LONRF1: variants seen among roughly 807,000 people sequenced by gnomAD.
The protein encoded by LONRF1 is LON peptidase N-terminal domain and ring finger 1.
In LONRF1, 37 loss-of-function variants were observed where a neutral mutation model predicts 85.8. The ratio of observed to expected loss-of-function variants is 0.43; its 90% confidence interval spans 0.33 to 0.57. The LOEUF (loss-of-function observed/expected upper bound fraction) is 0.57. LONRF1 is among the 20% of genes least tolerant of loss of function. The probability of loss-of-function intolerance (pLI) is 0.04; values close to 1 mark genes in which losing one functional copy is unlikely to be tolerated. For synonymous variants in LONRF1, 517 were observed against 390.1 expected (o/e 1.33, Z -3.83); for missense variants, 1,036 against 978.0 (o/e 1.06, Z -0.79).
At chr8:12,740,773 T>G (rs893782546) in intron 3 of LONRF1, 101 bp downstream of exon 3, 44 of 1,392,448 alleles carry the variant, frequency 3.2e-5, no homozygotes, top group Admixed American at 1.3e-4. Context: ...TTAGATTTAT[T>G]TACTACTTAT....
chr8:12,738,480 C>T (rs1798806804), intron 3 of LONRF1, among the ~76,000 whole-genome samples: 1 of 152,102 alleles, frequency 6.6e-6, no homozygotes. Flanking sequence ...TCTTAGTGAG[C>T]CCTATGCTAT....
rs1799561511 is a variant in LONRF1 at position 12,754,723 on chromosome 8, G to A, written c.698C>T (p.Ala233Val). ...HQGRYREALA[A>V]ACEALRAEPS... ...ACCTGCTCGCAGCGCCTCGCAGGCG[G>A]CGGCCAGGGCCTCCCGGTAGCGCCC... The change falls in exon 1 of 12, where the codon GCC becomes GTC. Residue 233 changes from alanine to valine, a missense_variant. This residue lies in a region of LONRF1 where 742 missense variants were observed against 614.4 expected (regional missense o/e 1.21). Transcript: ENST00000398246. 2.1e-6 allele frequency: 3 copies of A among 1,398,442 alleles called. No homozygotes were observed. Among genetic ancestry groups the A allele is most frequent in the Non-Finnish European group, 1.8e-6 (2 of 1,085,910 alleles). 86.6% of individuals were successfully genotyped at this position (1,398,442 alleles called of 1,614,324 possible). A position where few individuals can be genotyped will look rare whatever the true frequency, so the allele number is the denominator to read the frequency against.
intron 1 of LONRF1, among the ~76,000 whole-genome samples, chr8:12,746,512 C>G (rs1172223585): frequency 6.6e-6 from 1 of 152,180 alleles, no homozygotes; most frequent in East Asian, 1.9e-4. Flanking sequence ...TTGGGTCTTC[C>G]TCCACAATTT....
At chr8:12,723,613 A>G (rs1456071747) in intron 11 of LONRF1, among the ~76,000 whole-genome samples, 1 of 152,228 alleles carries the variant, frequency 6.6e-6, no homozygotes, top group Non-Finnish European at 1.5e-5. Context: ...CCTATGCACT[A>G]GAGCACATTC....
chr8:12,738,698 T>C (rs139376099), intron 3 of LONRF1: 1 of 152,264 alleles, frequency 6.6e-6, no homozygotes, highest in African/African-American at 2.4e-5. Flanking sequence ...TTCCCTATAA[T>C]AGCGAGGAAA....
At chr8:12,742,579 C>G (rs1328455679) in intron 2 of LONRF1, among the ~76,000 whole-genome samples, 2 of 152,140 alleles carry the variant, frequency 1.3e-5, no homozygotes, top group Non-Finnish European at 2.9e-5. Context: ...CAGTTTGTAT[C>G]CATCTTCACA....
chr8:12,728,930 C>G lies in LONRF1; in HGVS notation c.1981G>C (p.Ala661Pro). The G allele has an allele frequency of 6.2e-7, 1 of 1,613,968 alleles. No individual in the cohort carries two copies. The highest frequency in any genetic ancestry group is 8.5e-7 in the Non-Finnish European group (1 of 1,179,862). ...KRGMKDGYCT[A>P]DIEYLEDVKV... The stretch of plus-strand genomic sequence containing the variant: ...ACATCTTCCAGATATTCAATGTCGG[C>G]AGTGCAATATCCATCTTTCATTCCT... The change falls in exon 10 of 12, where the codon GCC becomes CCC. Residue 661 changes from alanine to proline, a missense_variant. Ala to Pro is a conservative substitution (Grantham distance 27, BLOSUM62 -1). Around this residue, in one of 3 missense-constraint regions of LONRF1, gnomAD observed 265 missense variants for 301.5 expected, o/e 0.88. Transcript: ENST00000398246.
chr8:12,749,638 T>TA (rs1257853007), intron 1 of LONRF1, among the ~76,000 whole-genome samples: 8 of 152,274 alleles, frequency 5.3e-5, no homozygotes, highest in Non-Finnish European at 1.0e-4. Context: ...GAAAAACAGT[T>TA]AAAAAACAAA....
chr8:12,745,803 T>C (rs1180450577), intron 1 of LONRF1, among the ~76,000 whole-genome samples: 1 of 152,238 alleles, frequency 6.6e-6, no homozygotes, highest in Admixed American at 6.5e-5. Flanking sequence ...GTATTGAATA[T>C]GACTGTGGTA....
intron 10 of LONRF1, among the ~76,000 whole-genome samples, chr8:12,727,999 A>C (rs531736387): frequency 6.6e-6 from 1 of 152,336 alleles, no homozygotes; most frequent in South Asian, 2.1e-4. Flanking sequence ...TCTGAATTGT[A>C]CTTTCCTCAT....
intron 3 of LONRF1, among the ~76,000 whole-genome samples, chr8:12,738,475 G>A (rs1032098142): frequency 3.3e-5 from 5 of 152,160 alleles, no homozygotes; most frequent in African/African-American, 1.2e-4. Context: ...CTGAATCTTA[G>A]TGAGCCCTAT....
chr8:12,745,622 C>T (rs1293920436), intron 1 of LONRF1, among the ~76,000 whole-genome samples: 2 of 152,190 alleles, frequency 1.3e-5, no homozygotes, highest in African/African-American at 2.4e-5. Flanking sequence ...TCACTGCACA[C>T]GCCATCAGGG....
rs898664588 is a variant in LONRF1 at position 12,722,942 on chromosome 8, T to A, written c.*154A>T. On this transcript the variant is annotated 3_prime_UTR_variant, in exon 12 of 12. Transcript: ENST00000398246. Reference sequence around the variant, plus strand: ...TGGTCTAAATCCTAGTTGAAGGTATTCATTTGCAGAACCACATGATTCAGG... The same window carrying A: ...TGGTCTAAATCCTAGTTGAAGGTATACATTTGCAGAACCACATGATTCAGG... 3.1e-6 allele frequency: 2 copies of A among 653,002 alleles called. No homozygotes were observed. Among genetic ancestry groups the A allele is most frequent in the African/African-American group, 3.6e-5 (2 of 55,288 alleles). The allele number at this position is 653,002 out of a possible 1,614,324, so 40.5% of individuals were successfully genotyped here. A position where few individuals can be genotyped will look rare whatever the true frequency, so the allele number is the denominator to read the frequency against.
chr8:12,741,805 A>G (rs932087033), intron 2 of LONRF1, among the ~76,000 whole-genome samples: 11 of 152,214 alleles, frequency 7.2e-5, no homozygotes, highest in Admixed American at 5.9e-4. Context: ...CTTTTCATAA[A>G]TCCCTTATTT....
chr8:12,732,228 G>A (rs965713250), intron 7 of LONRF1, among the ~76,000 whole-genome samples: 9 of 152,190 alleles, frequency 5.9e-5, no homozygotes. Context: ...ACAAAAACGG[G>A]ATAAGGAATA....
intron 1 of LONRF1, among the ~76,000 whole-genome samples, chr8:12,750,599 A>T (rs184281255): frequency 2.0e-5 from 3 of 152,364 alleles, no homozygotes; most frequent in Admixed American, 2.0e-4. Flanking sequence ...TATTGTTTAA[A>T]TTCAAATTTC....
intron 1 of LONRF1, among the ~76,000 whole-genome samples, chr8:12,746,622 T>C (rs575062558): frequency 3.1e-4 from 47 of 152,338 alleles, no homozygotes; most frequent in African/African-American, 1.0e-3. Flanking sequence ...TTAGCTTTAA[T>C]ATTCCGGGGC....
intron 6 of LONRF1, chr8:12,735,659 G>T (rs1046107575): frequency 2.8e-6 from 1 of 363,022 alleles, no homozygotes; most frequent in Non-Finnish European, 5.0e-6. Flanking sequence ...ACAGCCCCTG[G>T]ACACTATGGC....
chr8:12,740,143 C>A (rs142590157), intron 3 of LONRF1, among the ~76,000 whole-genome samples: 1 of 152,130 alleles, frequency 6.6e-6, no homozygotes, highest in Non-Finnish European at 1.5e-5. Flanking sequence ...TGATAAATAA[C>A]GTGGCATGTT....
Sources: gnomAD v4.1 joint callset for allele counts (sites outside exome capture counted in the v4.1 genomes callset) on GRCh38, gnomAD v4.1.1 for gene constraint, gnomAD v4.1.1 regional missense constraint, MANE v1.5 for transcripts, NCBI Gene and HGNC (gene_info 2026-07-23, HGNC 2026-07-21) for gene names.